FAM117B: variants seen among roughly 807,000 people sequenced by gnomAD.
The protein encoded by FAM117B is protein FAM117B.
Under a neutral mutation model 52.8 loss-of-function variants are expected in FAM117B, and 22 were observed. The observed-to-expected ratio is 0.42, with a 90% CI of 0.30 to 0.59. The LOEUF (loss-of-function observed/expected upper bound fraction) is 0.59, where lower values mean the gene tolerates loss of function less well. Among genes scored for constraint, FAM117B ranks in the 20% least tolerant of loss-of-function variants. The pLI is 0.22. For synonymous variants in FAM117B, 309 were observed against 324.1 expected, an observed-to-expected ratio of 0.95 and a Z score of 0.50; for missense variants, 678 against 802.6, an observed-to-expected ratio of 0.84 and a Z score of 1.88.
Position 202,641,641 on chromosome 2 carries a change from C to A in FAM117B, c.601+5853C>A, listed in dbSNP as rs563839551. ...ATCTCAATATTAGATATTTTATTTT[C>A]TTTTTTTTTTTTTTTGAGATGGAGT... On this transcript the variant is annotated intron_variant, in intron 1 of 7. Transcript: ENST00000392238. Among the ~76,000 whole-genome samples the A allele has an allele frequency of 2.4e-4, 33 of 140,234 alleles. No homozygotes were observed. In the East Asian group the frequency reaches 3.7e-3, roughly 16 times the overall value. The allele number at this position is 140,234 out of a possible 152,430, so 92.0% of individuals were successfully genotyped here. A position where few individuals can be genotyped will look rare whatever the true frequency, so the allele number is the denominator to read the frequency against.
intron 4 of FAM117B, among the ~76,000 whole-genome samples, chr2:202,743,558 T>G (rs1691582176): frequency 6.6e-6 from 1 of 152,108 alleles, no homozygotes; most frequent in African/African-American, 2.4e-5. Context: ...AAAAGGAGAT[T>G]GGTGAAATTC....
At chr2:202,742,387 G>A (rs1691556622) in intron 4 of FAM117B, among the ~76,000 whole-genome samples, 2 of 152,172 alleles carry the variant, frequency 1.3e-5, no homozygotes, top group Admixed American at 6.5e-5. Context: ...CCCAAAAATT[G>A]ACTCAAGTAC....
chr2:202,707,732 TCAATCAATAAAA>T (rs1161845828), intron 2 of FAM117B, among the ~76,000 whole-genome samples: 1 of 151,656 alleles, frequency 6.6e-6, no homozygotes, highest in African/African-American at 2.4e-5. Flanking sequence ...AGTCCATCAA[TCAATCAATAAAA>T]CAAATAGTTT....
intron 5 of FAM117B, among the ~76,000 whole-genome samples, chr2:202,756,087 G>C (rs1284172346): frequency 2.6e-5 from 4 of 152,088 alleles, no homozygotes; most frequent in Non-Finnish European, 4.4e-5. Flanking sequence ...TTTGGTTTTG[G>C]TTGACATGCT....
At chr2:202,738,615 C>T (rs1691476863) in intron 4 of FAM117B, among the ~76,000 whole-genome samples, 1 of 152,122 alleles carries the variant, frequency 6.6e-6, no homozygotes, top group Admixed American at 6.5e-5. Context: ...ATCACATACT[C>T]TCACTGTATA....
At chr2:202,645,899 C>T (rs1253856270) in intron 1 of FAM117B, among the ~76,000 whole-genome samples, 1 of 152,092 alleles carries the variant, frequency 6.6e-6, no homozygotes. Context: ...GCCACAGCGC[C>T]CGGCCTATCA....
intron 1 of FAM117B, among the ~76,000 whole-genome samples, chr2:202,645,510 T>C (rs1038083083): frequency 1.3e-4 from 19 of 149,584 alleles, no homozygotes; most frequent in South Asian, 8.6e-4. Flanking sequence ...AGGATGGTCT[T>C]GATCTCCTGA....
Position 202,724,846 on chromosome 2 carries a change from T to C in FAM117B, c.754-71T>C, listed in dbSNP as rs571816763. The C allele has an allele frequency of 4.5e-6, 5 of 1,117,206 alleles. No homozygotes were observed. The African/African-American group carries it at 4.8e-5, about 11-fold the overall frequency. The allele number at this position is 1,117,206 out of a possible 1,614,324, so 69.2% of individuals were successfully genotyped here. A position where few individuals can be genotyped will look rare whatever the true frequency, so the allele number is the denominator to read the frequency against. On this transcript the variant is annotated intron_variant, in intron 2 of 7. Coordinates refer to ENST00000392238, the MANE Select transcript of FAM117B (RefSeq NM_173511.4). Reference sequence around the variant, plus strand: ...TTTGTAATGGAAATATGTTTTATAATAGAAAAATATGGTAGACATTGTTGT... The same window carrying C: ...TTTGTAATGGAAATATGTTTTATAACAGAAAAATATGGTAGACATTGTTGT...
intron 1 of FAM117B, among the ~76,000 whole-genome samples, chr2:202,678,738 A>G (rs1216507781): frequency 1.3e-5 from 2 of 152,100 alleles, no homozygotes; most frequent in Non-Finnish European, 2.9e-5. Flanking sequence ...GTATTTTTTT[A>G]GTAGAGACGG....
At chr2:202,731,368 T>TA (rs780138718) in intron 4 of FAM117B, among the ~76,000 whole-genome samples, 1 of 95,838 alleles carries the variant, frequency 1.0e-5, no homozygotes, top group Non-Finnish European at 2.2e-5. Flanking sequence ...TATATATATA[T>TA]GGAGAGAGAG....
intron 1 of FAM117B, among the ~76,000 whole-genome samples, chr2:202,661,191 C>T (rs1455224686): frequency 2.0e-5 from 3 of 152,128 alleles, no homozygotes; most frequent in Non-Finnish European, 4.4e-5. Flanking sequence ...TTTGAATCCT[C>T]GGAGGACTCC....
intron 1 of FAM117B, among the ~76,000 whole-genome samples, chr2:202,669,891 A>G (rs1471620556): frequency 6.6e-6 from 1 of 152,232 alleles, no homozygotes; most frequent in Non-Finnish European, 1.5e-5. Context: ...ACTAAGCAGA[A>G]TGACAGTAGA....
chr2:202,658,748 G>T (rs962594614), intron 1 of FAM117B, among the ~76,000 whole-genome samples: 15 of 152,032 alleles, frequency 9.9e-5, no homozygotes, highest in African/African-American at 3.6e-4. Flanking sequence ...TTGTTTCTTT[G>T]TATGTAATGT....
chr2:202,744,976 CAAAAAAAAAAA>C (rs58898446), intron 4 of FAM117B, among the ~76,000 whole-genome samples: 759 of 59,322 alleles, frequency 0.013, 20 homozygotes, highest in African/African-American at 0.053. Flanking sequence ...GACTCTGTCT[CAAAAAAAAAAA>C]AAAAAAAAAA....
At position 202,726,392 on chromosome 2, in the gene FAM117B, A is replaced by G; in HGVS notation, c.960+29A>G. Reference sequence around the variant, plus strand: ...AGAGTACCAATACCACAAAATCCAGAAAAGGAATTTGTTGTTTTTCTGGTG... The same window carrying G: ...AGAGTACCAATACCACAAAATCCAGGAAAGGAATTTGTTGTTTTTCTGGTG... On this transcript the variant is annotated intron_variant, in intron 4 of 7. Transcript: ENST00000392238. 2.7e-6 allele frequency: 4 copies of G among 1,508,346 alleles called. No homozygotes were observed. The South Asian group carries it at 3.6e-5, about 13-fold the overall frequency. The allele number at this position is 1,508,346 out of a possible 1,614,324, so 93.4% of individuals were successfully genotyped here.
chr2:202,669,813 G>A (rs1690262152), intron 1 of FAM117B, among the ~76,000 whole-genome samples: 1 of 151,978 alleles, frequency 6.6e-6, no homozygotes, highest in Admixed American at 6.6e-5. Flanking sequence ...CCAGTTTGTT[G>A]GATTTTTTTC....
rs1691980773 is a variant in FAM117B at position 202,766,360 on chromosome 2, CTA to C, written c.*598_*599del. Reference sequence around the variant, plus strand: ...TTTCCCAGCAATCTTAATCTCATGACTATGTTCTTCTCCCAAACAAGGATTGA... The same window carrying C: ...TTTCCCAGCAATCTTAATCTCATGACTGTTCTTCTCCCAAACAAGGATTGA... On this transcript the variant is annotated 3_prime_UTR_variant, in exon 8 of 8. Transcript: ENST00000392238. 1 of 152,722 alleles carries C rather than the reference CTA, an allele frequency of 6.5e-6. No homozygotes were observed. Among genetic ancestry groups the C allele is most frequent in the Admixed American group, 6.5e-5 (1 of 15,268 alleles). 9.5% of individuals were successfully genotyped at this position (152,722 alleles called of 1,614,324 possible).
Position 202,642,344 on chromosome 2 carries a change from AAT to A in FAM117B, c.601+6576_601+6577del, listed in dbSNP as rs59347439. On this transcript the variant is annotated intron_variant, in intron 1 of 7. Coordinates refer to ENST00000392238, the MANE Select transcript of FAM117B (RefSeq NM_173511.4). ...GTATTTATATTCTTAGAATAAATAG[AAT>A]ATATATATATATATATATAAAATGA... Among the ~76,000 whole-genome samples, 88 of 142,546 alleles carry A rather than the reference AAT, an allele frequency of 6.2e-4. 1 individual carries two copies. The highest frequency in any genetic ancestry group is 7.9e-4 in the East Asian group (4 of 5,064). 93.5% of individuals were successfully genotyped at this position (142,546 alleles called of 152,430 possible). A position where few individuals can be genotyped will look rare whatever the true frequency, so the allele number is the denominator to read the frequency against.
intron 2 of FAM117B, among the ~76,000 whole-genome samples, chr2:202,720,074 T>C (rs1479521173): frequency 6.6e-6 from 1 of 152,162 alleles, no homozygotes; most frequent in Non-Finnish European, 1.5e-5. Flanking sequence ...ATATTTGAGA[T>C]TGTAAATATT....
Sources: allele counts gnomAD v4.1 joint callset (sites outside exome capture counted in the v4.1 genomes callset), GRCh38; gene constraint gnomAD v4.1.1; transcripts MANE v1.5; gene names NCBI Gene and HGNC (gene_info 2026-07-23, HGNC 2026-07-21).